CNBD1: variants seen among roughly 807,000 people sequenced by gnomAD.
The protein encoded by CNBD1 is cyclic nucleotide-binding domain-containing protein 1.
CNBD1 carries 71 observed loss-of-function variants against 54.4 expected under a neutral mutation model. That is an observed-to-expected ratio of 1.30 (90% CI 1.08 to 1.59). The LOEUF (loss-of-function observed/expected upper bound fraction) is 1.59, where lower values mean the gene tolerates loss of function less well. Ranked by LOEUF, CNBD1 falls within the 40% of genes most tolerant of loss-of-function variation. The probability of loss-of-function intolerance (pLI) is 0.00; values close to 1 mark genes in which losing one functional copy is unlikely to be tolerated. For synonymous variants in CNBD1, 182 were observed against 170.7 expected (o/e 1.07, Z -0.51); for missense variants, 659 against 518.0 (o/e 1.27, Z -2.64).
intron 4 of CNBD1, among the ~76,000 whole-genome samples, chr8:87,117,056 G>A (rs1304053346): frequency 6.6e-6 from 1 of 152,084 alleles, no homozygotes; most frequent in Non-Finnish European, 1.5e-5. Flanking sequence ...GAAATAAATA[G>A]CTTTGAATGG....
intron 6 of CNBD1, among the ~76,000 whole-genome samples, chr8:87,253,019 C>A (rs1289481835): frequency 6.6e-6 from 1 of 151,922 alleles, no homozygotes; most frequent in Non-Finnish European, 1.5e-5. Flanking sequence ...TTGGGAAATT[C>A]AGTGGACAAT....
At chr8:87,264,746 C>T (rs1412488688) in intron 6 of CNBD1, among the ~76,000 whole-genome samples, 1 of 152,102 alleles carries the variant, frequency 6.6e-6, no homozygotes, top group Non-Finnish European at 1.5e-5. Context: ...CCTCTGATGA[C>T]TAGTGATGAT....
chr8:87,102,292 A>G lies in CNBD1; in HGVS notation c.432-103701A>G, dbSNP rs143414272. On this transcript the variant is annotated intron_variant, in intron 4 of 10. Coordinates refer to ENST00000518476, the MANE Select transcript of CNBD1 (RefSeq NM_173538.3). ...AGTGGGCATGGGTACAGGAGCAGAC[A>G]TAGTTTACTTACAGTAACATGAGAA... is the stretch of plus-strand genomic sequence containing the variant. 1.5e-4 allele frequency among the ~76,000 whole-genome samples: 23 copies of G among 152,300 alleles called. No homozygotes were observed. The East Asian group carries it at 4.3e-3, about 28-fold the overall frequency.
intron 4 of CNBD1, among the ~76,000 whole-genome samples, chr8:86,953,738 G>A (rs1487075014): frequency 6.6e-6 from 1 of 152,016 alleles, no homozygotes; most frequent in African/African-American, 2.4e-5. Flanking sequence ...ATGATGGTGG[G>A]TGCCTGTAAT....
chr8:87,111,675 C>G (rs1811665261), intron 4 of CNBD1, among the ~76,000 whole-genome samples: 2 of 152,128 alleles, frequency 1.3e-5, no homozygotes, highest in Non-Finnish European at 2.9e-5. Flanking sequence ...TATTCGTGAT[C>G]TCTTTGGGTT....
intron 2 of CNBD1, among the ~76,000 whole-genome samples, chr8:87,400,258 C>A (rs1216054332): frequency 6.6e-6 from 1 of 151,890 alleles, no homozygotes; most frequent in Non-Finnish European, 1.5e-5. Flanking sequence ...CTTTTAATGG[C>A]AATTACTTTT....
At chr8:87,164,295 G>A (rs1812917566) in intron 4 of CNBD1, among the ~76,000 whole-genome samples, 1 of 151,780 alleles carries the variant, frequency 6.6e-6, no homozygotes, top group Non-Finnish European at 1.5e-5. Flanking sequence ...TCAGGGTAAT[G>A]CTGGCCTCCT....
intron 2 of CNBD1, among the ~76,000 whole-genome samples, chr8:86,889,959 G>T (rs565107428): frequency 6.6e-6 from 1 of 151,602 alleles, no homozygotes; most frequent in East Asian, 1.9e-4. Flanking sequence ...TCTGGAGAGC[G>T]GATTATTTTT....
intron 4 of CNBD1, among the ~76,000 whole-genome samples, chr8:87,191,816 C>T (rs1333350066): frequency 2.0e-5 from 3 of 152,138 alleles, no homozygotes; most frequent in Non-Finnish European, 4.4e-5. Flanking sequence ...AGCTACCTGG[C>T]ACCAGAAGCG....
At chr8:87,320,573 G>A (rs903245015) in intron 8 of CNBD1, among the ~76,000 whole-genome samples, 1 of 149,788 alleles carries the variant, frequency 6.7e-6, no homozygotes, top group Non-Finnish European at 1.5e-5. Context: ...GTAATTTAAT[G>A]GTCTTATTTT....
chr8:87,196,032 T>G (rs1813715543), intron 4 of CNBD1, among the ~76,000 whole-genome samples: 1 of 152,204 alleles, frequency 6.6e-6, no homozygotes, highest in Non-Finnish European at 1.5e-5. Context: ...CTTCAGAATT[T>G]TGAGCATATT....
In CNBD1 at chr8:86,867,175, T is replaced by C. The variant is rs1002073065; in HGVS notation, c.88+592T>C. ...TCATTTTATGTAATTAGTCTAAACC[T>C]ATAACGTTTTCTTAAGATTGTAAAC... On this transcript the variant is annotated intron_variant, in intron 1 of 10. Transcript: ENST00000518476. 5.3e-5 allele frequency among the ~76,000 whole-genome samples: 8 copies of C among 152,328 alleles called. No homozygotes were observed. In the South Asian group the frequency reaches 1.7e-3, roughly 32 times the overall value.
At chr8:87,326,673 C>A (rs1170772327) in intron 8 of CNBD1, among the ~76,000 whole-genome samples, 1 of 104,034 alleles carries the variant, frequency 9.6e-6, no homozygotes, top group Non-Finnish European at 2.1e-5. Context: ...TTAAGCACTT[C>A]TCTGTATTGG....
chr8:87,349,881 G>C (rs1042570429), intron 8 of CNBD1, among the ~76,000 whole-genome samples: 3 of 152,130 alleles, frequency 2.0e-5, no homozygotes, highest in Non-Finnish European at 4.4e-5. Flanking sequence ...ATTTTGTCTT[G>C]ACTTCAACAC....
At chr8:87,424,762 T>C (rs528097101) in intron 2 of CNBD1, among the ~76,000 whole-genome samples, 1 of 152,188 alleles carries the variant, frequency 6.6e-6, no homozygotes, top group African/African-American at 2.4e-5. Context: ...CCTTTTTTCC[T>C]TCATTTCAAC....
intron 4 of CNBD1, among the ~76,000 whole-genome samples, chr8:87,197,739 A>G (rs1241875587): frequency 1.3e-5 from 2 of 152,244 alleles, no homozygotes; most frequent in African/African-American, 4.8e-5. Context: ...TGTAAATTAC[A>G]AGCCCATTCA....
Position 87,031,584 on chromosome 8 carries a change from T to C in CNBD1, c.431+91830T>C, listed in dbSNP as rs199530442. Among the ~76,000 whole-genome samples the C allele has an allele frequency of 7.2e-5, 11 of 152,346 alleles. No homozygotes were observed. The East Asian group carries it at 2.1e-3, about 29-fold the overall frequency. ...TGCTTTAAATTTAGCATCTGTATTC[T>C]GCAATTAAATCTGTTCCTTTTCTGG... On this transcript the variant is annotated intron_variant, in intron 4 of 10. Transcript: ENST00000518476.
intron 8 of CNBD1, among the ~76,000 whole-genome samples, chr8:87,308,276 G>A (rs1379030551): frequency 2.0e-5 from 3 of 151,996 alleles, no homozygotes; most frequent in Non-Finnish European, 4.4e-5. Context: ...TTGGAACCCT[G>A]GACTACCAAG....
intron 10 of CNBD1, among the ~76,000 whole-genome samples, chr8:87,381,223 A>G (rs1022502152): frequency 3.9e-5 from 6 of 152,102 alleles, no homozygotes; most frequent in South Asian, 2.1e-4. Context: ...AATAGGATAA[A>G]GACTTGAATA....
Sources: allele counts gnomAD v4.1 joint callset (sites outside exome capture counted in the v4.1 genomes callset), GRCh38; gene constraint gnomAD v4.1.1; transcripts MANE v1.5; gene names NCBI Gene and HGNC (gene_info 2026-07-23, HGNC 2026-07-21).